Variants in PPP1R1C observed in about 807,000 individuals in gnomAD.
PPP1R1C encodes protein phosphatase 1 regulatory inhibitor subunit 1C, also known as protein phosphatase 1 regulatory subunit 1C.
A neutral mutation model predicts 17.4 loss-of-function variants in PPP1R1C; 15 were observed. The observed-to-expected ratio is 0.86, with a 90% CI of 0.58 to 1.33. The LOEUF (loss-of-function observed/expected upper bound fraction) is 1.33. Among genes scored for constraint, PPP1R1C ranks in the 40% most tolerant of loss-of-function variants. The pLI, the probability that PPP1R1C is intolerant of heterozygous loss-of-function variation, is 0.00. For synonymous variants in PPP1R1C, 35 were observed against 43.1 expected (o/e 0.81, Z 0.73); for missense variants, 143 against 130.0 (o/e 1.10, Z -0.48).
chr2:182,061,556 T>C, intron 3 of PPP1R1C, 77 bp downstream of exon 3: 4 of 780,478 alleles, frequency 5.1e-6, no homozygotes, highest in Non-Finnish European at 7.7e-6. Context: ...TTTGATGTGA[T>C]ATAAATAATG....
chr2:182,124,482 T>C (rs1230807494), intron 5 of PPP1R1C, among the ~76,000 whole-genome samples: 1 of 152,026 alleles, frequency 6.6e-6, no homozygotes, highest in South Asian at 2.1e-4. Flanking sequence ...ATAAATTACT[T>C]TGGGCAGTAT....
At chr2:182,052,565 G>A (rs1192388965) in intron 2 of PPP1R1C, among the ~76,000 whole-genome samples, 2 of 152,074 alleles carry the variant, frequency 1.3e-5, no homozygotes, top group East Asian at 3.8e-4. Flanking sequence ...ACTGGTTTAG[G>A]ATTGCCCACA....
intron 4 of PPP1R1C, among the ~76,000 whole-genome samples, chr2:182,079,047 T>C (rs898809503): frequency 1.3e-5 from 2 of 152,236 alleles, no homozygotes; most frequent in Non-Finnish European, 2.9e-5. Flanking sequence ...ATTCTATTTA[T>C]TTTTTGATAT....
intron 4 of PPP1R1C, among the ~76,000 whole-genome samples, chr2:182,076,390 T>C (rs998142277): frequency 6.6e-6 from 1 of 151,042 alleles, no homozygotes; most frequent in Non-Finnish European, 1.5e-5. Context: ...ACTTCTATAA[T>C]AGAAAAAAGG....
chr2:182,013,704 C>A (rs1210532673), intron 2 of PPP1R1C, among the ~76,000 whole-genome samples: 1 of 152,082 alleles, frequency 6.6e-6, no homozygotes, highest in Non-Finnish European at 1.5e-5. Context: ...ATCTTGCAGG[C>A]ATGCTTAATT....
At chr2:182,035,392 C>A (rs1312565159) in intron 2 of PPP1R1C, among the ~76,000 whole-genome samples, 1 of 152,080 alleles carries the variant, frequency 6.6e-6, no homozygotes, top group Non-Finnish European at 1.5e-5. Flanking sequence ...CATGTAAGTG[C>A]CTTACTTAAA....
chr2:182,112,073 C>T (rs773782004), intron 4 of PPP1R1C, among the ~76,000 whole-genome samples: 1 of 152,158 alleles, frequency 6.6e-6, no homozygotes, highest in Non-Finnish European at 1.5e-5. Flanking sequence ...TGATCCATAG[C>T]GCTTCTTCAC....
In PPP1R1C at chr2:181,962,914, T is replaced by C. The variant is rs146198047; in HGVS notation, n.111+8280T>C. On this transcript the variant is annotated intron_variant and non_coding_transcript_variant, in intron 1 of 5. Coordinates refer to the PPP1R1C transcript ENST00000464264. This position sits in a 1 kb window ranked among gnomAD's most constrained non-coding sequence, Gnocchi z 6.0. Reference sequence around the variant, plus strand: ...CATTTGAGAGGGGGGATCTCTGAAGTAGGAGTTCAGACACAGGATACTCCC... The same window carrying C: ...CATTTGAGAGGGGGGATCTCTGAAGCAGGAGTTCAGACACAGGATACTCCC... Among the ~76,000 whole-genome samples the C allele has an allele frequency of 5.9e-3, 899 of 152,198 alleles. 3 individuals are homozygous for C. The highest frequency in any genetic ancestry group is 9.4e-3 in the Admixed American group (143 of 15,290).
intron 4 of PPP1R1C, among the ~76,000 whole-genome samples, chr2:182,079,638 G>A (rs1446616481): frequency 6.6e-6 from 1 of 152,176 alleles, no homozygotes; most frequent in Non-Finnish European, 1.5e-5. Context: ...TTCAAGGACT[G>A]CCTTAATAGA....
downstream of PPP1R1C, among the ~76,000 whole-genome samples, chr2:182,121,281 A>C (rs1689727091): frequency 6.6e-6 from 1 of 152,146 alleles, no homozygotes; most frequent in African/African-American, 2.4e-5. Context: ...ATCATACCTA[A>C]CCTGCTGGGT....
At chr2:181,985,324 G>A (rs1225044894), upstream of PPP1R1C, among the ~76,000 whole-genome samples, 2 of 152,192 alleles carry the variant, frequency 1.3e-5, no homozygotes, top group Non-Finnish European at 2.9e-5. The surrounding 1 kb of genome is among the most constrained non-coding windows in gnomAD (Gnocchi z 4.1). Flanking sequence ...GAAGTGTGGA[G>A]GCCTAGACGT....
At chr2:182,082,298 C>T (rs1688504237) in intron 4 of PPP1R1C, among the ~76,000 whole-genome samples, 1 of 152,186 alleles carries the variant, frequency 6.6e-6, no homozygotes, top group East Asian at 1.9e-4. Context: ...AGAGGGGATG[C>T]ATTTAGGATA....
chr2:182,064,441 ACT>A (rs912721874), intron 4 of PPP1R1C, among the ~76,000 whole-genome samples: 2 of 151,540 alleles, frequency 1.3e-5, no homozygotes, highest in Non-Finnish European at 2.9e-5. Context: ...TGTCCAGTCT[ACT>A]CTCTCATGTT....
intron 4 of PPP1R1C, among the ~76,000 whole-genome samples, chr2:182,109,222 C>A (rs1008489889): frequency 4.0e-5 from 6 of 151,842 alleles, no homozygotes; most frequent in African/African-American, 9.7e-5. Flanking sequence ...TTTAAGAGTC[C>A]TTTGTATGTT....
intron 4 of PPP1R1C, among the ~76,000 whole-genome samples, chr2:182,087,460 C>G (rs1477899851): frequency 6.6e-6 from 1 of 152,178 alleles, no homozygotes; most frequent in Non-Finnish European, 1.5e-5. Flanking sequence ...ATCTTTTTAA[C>G]AAATTTTATC....
At chr2:181,989,302 T>C (rs1242932647) in intron 2 of PPP1R1C, among the ~76,000 whole-genome samples, 1 of 152,168 alleles carries the variant, frequency 6.6e-6, no homozygotes, top group African/African-American at 2.4e-5. Context: ...TCATTTGAAC[T>C]CCCAAAATAG....
chr2:182,003,144 T>A (rs1685821377), intron 2 of PPP1R1C, among the ~76,000 whole-genome samples: 1 of 152,188 alleles, frequency 6.6e-6, no homozygotes. Context: ...TTTAAACTAC[T>A]GTGATAAAGA....
chr2:182,010,323 G>T (rs1257459001), intron 2 of PPP1R1C, among the ~76,000 whole-genome samples: 1 of 151,656 alleles, frequency 6.6e-6, no homozygotes, highest in Non-Finnish European at 1.5e-5. Context: ...AGTTTTCATT[G>T]TAGAAATCTT....
At chr2:182,065,267 C>G (rs1687954814) in intron 4 of PPP1R1C, among the ~76,000 whole-genome samples, 1 of 152,012 alleles carries the variant, frequency 6.6e-6, no homozygotes. Context: ...CATAGGTTCT[C>G]ATTTATAATC....
Sources: gnomAD v4.1 joint callset for allele counts (sites outside exome capture counted in the v4.1 genomes callset) on GRCh38, gnomAD v4.1.1 for gene constraint, Gnocchi (gnomAD v3.1) non-coding constraint, MANE v1.5 for transcripts, NCBI Gene and HGNC (gene_info 2026-07-23, HGNC 2026-07-21) for gene names.